KLC3: variants seen among roughly 807,000 people sequenced by gnomAD.
KLC3 encodes the protein kinesin light chain 3.
In KLC3, 72 loss-of-function variants were observed where a neutral mutation model predicts 62.9. The observed-to-expected ratio is 1.15, with a 90% CI of 0.95 to 1.39. The LOEUF (loss-of-function observed/expected upper bound fraction) is 1.39, where lower values mean the gene tolerates loss of function less well. Ranked by LOEUF, KLC3 falls within the 40% of genes most tolerant of loss-of-function variation. The pLI is 0.00. For synonymous variants in KLC3, 377 were observed against 300.5 expected (o/e 1.25, Z -2.63); for missense variants, 848 against 691.6 (o/e 1.23, Z -2.54).
chr19:45,342,206 G>A (rs931169969), intron 1 of KLC3, among the ~76,000 whole-genome samples: 5 of 152,114 alleles, frequency 3.3e-5, no homozygotes, highest in African/African-American at 7.2e-5. Context: ...TTGTCAGGAT[G>A]ACTCTTGAAC....
chr19:45,342,824 CATAT>C (rs1313406873), intron 1 of KLC3, among the ~76,000 whole-genome samples: 1 of 152,080 alleles, frequency 6.6e-6, no homozygotes, highest in South Asian at 2.1e-4. Flanking sequence ...TATACACATA[CATAT>C]ATCTAGAGAG....
chr19:45,347,030 G>A (rs915423090), intron 3 of KLC3: 8 of 486,322 alleles, frequency 1.6e-5, no homozygotes, highest in African/African-American at 5.9e-5. Flanking sequence ...TCTGACGCTC[G>A]TGACCACCAC....
chr19:45,347,936 C>T lies in KLC3; in HGVS notation c.560-5C>T. On this transcript the variant is annotated splice_region_variant and splice_polypyrimidine_tract_variant and intron_variant, in intron 4 of 12. Transcript: ENST00000391946. ...GTGACCCAGAGCCCACCCCACCCCA[C>T]CTAGGTCCTGAGGCCGCAGGAGCAG... 4.4e-6 allele frequency: 7 copies of T among 1,597,622 alleles called. No individual in the cohort carries two copies. The highest frequency in any genetic ancestry group is 6.0e-6 in the Non-Finnish European group (7 of 1,171,756).
At chr19:45,346,448 G>A in intron 2 of KLC3, 96 bp from the exon 3 acceptor site, 1 of 1,024,364 alleles carries the variant, frequency 9.8e-7, no homozygotes, top group South Asian at 1.6e-5. Flanking sequence ...GTGCATAGTA[G>A]TGGGGTGCTA....
chr19:45,349,702 G>GGGGCCCCCCAGGCC (rs59684170), intron 8 of KLC3, 100 bp downstream of exon 8: 20,731 of 813,188 alleles, frequency 0.025, 1,325 homozygotes, highest in Non-Finnish European at 0.029. Flanking sequence ...AGGGTGGGGG[G>GGGGCCCCCCAGGCC]GGGCCCCCCA....
At chr19:45,346,884 CAGTCCCCCA>C (rs1263148130) in intron 3 of KLC3, 110 bp downstream of exon 3, 2 of 1,050,086 alleles carry the variant, frequency 1.9e-6, no homozygotes, top group Non-Finnish European at 2.8e-6. Flanking sequence ...TAGAATCCCA[CAGTCCCCCA>C]GACCCTCCTT....
At chr19:45,348,214 G>A in intron 5 of KLC3, 54 bp downstream of exon 5, 1 of 1,474,880 alleles carries the variant, frequency 6.8e-7, no homozygotes, top group South Asian at 1.2e-5. Flanking sequence ...GACCCATTGG[G>A]TGCAAGTGGA....
At chr19:45,341,778 T>TGTGTGC (rs1971401976) in intron 1 of KLC3, among the ~76,000 whole-genome samples, 1 of 11,838 alleles carries the variant, frequency 8.4e-5, no homozygotes, top group South Asian at 0.022. Context: ...CGTGTGTGCG[T>TGTGTGC]GTGTGTGTGT....
At position 45,346,682 on chromosome 19, in the gene KLC3, A is replaced by G. The variant is rs1318654671; in HGVS notation, c.397A>G (p.Ser133Gly). 1.3e-6 allele frequency: 2 copies of G among 1,561,758 alleles called. No individual in the cohort carries two copies. The highest frequency in any genetic ancestry group is 1.2e-5 in the South Asian group (1 of 84,648). Residue 133 changes from serine to glycine, a missense_variant, in exon 3 of 13, where the codon AGC (serine) becomes GGC (glycine). Coordinates refer to ENST00000391946, the MANE Select transcript of KLC3 (RefSeq NM_177417.3). ...LEETQRRLRA[S>G]EESVAQLEEE... is the part of the protein sequence containing the mutation. Reference sequence around the variant, plus strand: ...GGAGACGCAGCGGCGGCTTCGGGCCAGCGAGGAGTCCGTGGCCCAGCTGGA... The same window carrying G: ...GGAGACGCAGCGGCGGCTTCGGGCCGGCGAGGAGTCCGTGGCCCAGCTGGA...
intron 8 of KLC3, 88 bp downstream of exon 8, chr19:45,349,690 T>TGAGGG (rs1971617482): frequency 1.4e-6 from 1 of 735,066 alleles, no homozygotes; most frequent in Non-Finnish European, 1.9e-6. Flanking sequence ...GTGAGCAACG[T>TGAGGG]GAGGGTGGGG....
At chr19:45,349,716 C>A (rs561545314) in intron 8 of KLC3, 114 bp downstream of exon 8, 1 of 1,071,160 alleles carries the variant, frequency 9.3e-7, no homozygotes, top group Non-Finnish European at 1.3e-6. Flanking sequence ...CCCCCCAGGC[C>A]GGGCCCTTGG....
chr19:45,350,741 C>G lies in KLC3; in HGVS notation c.1373C>G (p.Ala458Gly), dbSNP rs746209909. 9 of 1,610,488 alleles carry G rather than the reference C, an allele frequency of 5.6e-6. No individual in the cohort carries two copies. The highest frequency in any genetic ancestry group is 7.6e-6 in the Non-Finnish European group (9 of 1,178,650). ...SRLRGEAAAG[A>G]AGMKRAMSLN... ...CTCCGAGGCGAGGCGGCGGCAGGAG[C>G]AGCCGGGTGAGTGTTGATCAGGTCG... The change falls in exon 11 of 13, where the codon GCA (alanine) becomes GGA (glycine). Residue 458 changes from alanine (A) to glycine (G), a missense_variant. By Grantham distance (60) the Ala-to-Gly change is moderately conservative (BLOSUM62 0). Coordinates refer to ENST00000391946, the MANE Select transcript of KLC3 (RefSeq NM_177417.3).
Position 45,348,874 on chromosome 19 carries a change from C to G in KLC3, c.922C>G (p.Arg308Gly). 6.3e-7 allele frequency: 1 copy of G among 1,587,898 alleles called. No individual in the cohort carries two copies. The highest frequency in any genetic ancestry group is 8.6e-7 in the Non-Finnish European group (1 of 1,167,510). The change falls in exon 7 of 13, where the codon CGG becomes GGG. Residue 308 changes from arginine to glycine, a missense_variant. Physicochemically the swap from Arg to Gly is moderately radical, Grantham distance 125 (BLOSUM62 -2). Transcript: ENST00000391946. ...CCTCTATGGGAAGCGTGGGCGTTAC[C>G]GGGAGGCAGAGCCCCTGTGCCAGCG... is the stretch of plus-strand genomic sequence containing the variant. ...AVLYGKRGRY[R>G]EAEPLCQRAL...
chr19:45,351,188 G>T (rs558802285), intron 12 of KLC3, 98 bp from the exon 13 acceptor site: 1 of 1,584,936 alleles, frequency 6.3e-7, no homozygotes, highest in Non-Finnish European at 8.6e-7. Flanking sequence ...AGGCGAGGGG[G>T]TTGGATAGTT....
intron 1 of KLC3, among the ~76,000 whole-genome samples, chr19:45,343,523 C>T (rs1405485932): frequency 5.9e-5 from 9 of 151,956 alleles, no homozygotes; most frequent in South Asian, 4.1e-4. Flanking sequence ...TTAGTAGAGC[C>T]GGGGTTTCAC....
chr19:45,349,287 C>T, intron 7 of KLC3, 142 bp from the exon 8 acceptor site: 3 of 816,970 alleles, frequency 3.7e-6, no homozygotes, highest in South Asian at 3.6e-5. Context: ...GATGGTATAA[C>T]TTGTGTCCCC....
chr19:45,349,688 C>T (rs546458172), intron 8 of KLC3, 86 bp downstream of exon 8: 17 of 763,140 alleles, frequency 2.2e-5, no homozygotes, highest in African/African-American at 8.1e-5. Context: ...GGGTGAGCAA[C>T]GTGAGGGTGG....
Position 45,348,884 on chromosome 19 carries a change from A to T in KLC3, c.932A>T (p.Glu311Val), listed in dbSNP as rs1971581697. 3.1e-6 allele frequency: 5 copies of T among 1,588,476 alleles called. No individual in the cohort carries two copies. The East Asian group carries it at 1.1e-4, about 36-fold the overall frequency. Residue 311 changes from glutamate to valine, a missense_variant, in exon 7 of 13, where the codon GAG (glutamate) becomes GTG (valine). By Grantham distance (121) the Glu-to-Val change is moderately radical. Transcript: ENST00000391946. The part of the protein sequence containing the change: ...YGKRGRYREA[E>V]PLCQRALEIR... Reference sequence around the variant, plus strand: ...AAGCGTGGGCGTTACCGGGAGGCAGAGCCCCTGTGCCAGCGCGCTTTGGAG... The same window carrying T: ...AAGCGTGGGCGTTACCGGGAGGCAGTGCCCCTGTGCCAGCGCGCTTTGGAG...
Position 45,351,269 on chromosome 19 carries a change from CCT to C in KLC3, c.1444-16_1444-15del, listed in dbSNP as rs772904029. On this transcript the variant is annotated splice_polypyrimidine_tract_variant and intron_variant, in intron 12 of 12. Coordinates refer to ENST00000391946, the MANE Select transcript of KLC3 (RefSeq NM_177417.3). ...CCCCTCACCTCCCCTCCAACCATCC[CCT>C]GTGCCTGTCTCCAGTTTCCCAGCTG... 1.5e-5 allele frequency: 24 copies of C among 1,611,538 alleles called. No individual in the cohort carries two copies. In the African/African-American group the frequency reaches 2.1e-4, roughly 14 times the overall value.
Sources: gnomAD v4.1 joint callset for allele counts (sites outside exome capture counted in the v4.1 genomes callset) on GRCh38, gnomAD v4.1.1 for gene constraint, MANE v1.5 for transcripts, NCBI Gene and HGNC (gene_info 2026-07-23, HGNC 2026-07-21) for gene names.